Variants in ZMYND8 observed in about 807,000 individuals in gnomAD.
ZMYND8 encodes MYND-type zinc finger-containing chromatin reader ZMYND8.
In ZMYND8, 37 loss-of-function variants were observed where a neutral mutation model predicts 140.8. That is an observed-to-expected ratio of 0.26 (90% CI 0.20 to 0.35). ZMYND8 has a LOEUF of 0.35. Ranked by LOEUF, ZMYND8 falls within the 10% of genes least tolerant of loss-of-function variation. The pLI is 1.00. For missense variants in ZMYND8, 1,068 were observed against 1,570.0 expected, an observed-to-expected ratio of 0.68 and a Z score of 5.40; for synonymous variants, 592 against 597.1, an observed-to-expected ratio of 0.99 and a Z score of 0.12.
At chr20:47,314,201 G>C (rs186171181) in intron 2 of ZMYND8, among the ~76,000 whole-genome samples, 117 of 151,696 alleles carry the variant, frequency 7.7e-4, no homozygotes, top group African/African-American at 2.6e-3. Flanking sequence ...ATGACGTTAC[G>C]AAAATAAAGA....
chr20:47,239,906 A>T (rs193182379), intron 14 of ZMYND8, among the ~76,000 whole-genome samples: 265 of 152,290 alleles, frequency 1.7e-3, no homozygotes, highest in Middle Eastern at 0.014. Context: ...AAATGAGTTT[A>T]TACTTGCAGA....
intron 7 of ZMYND8, among the ~76,000 whole-genome samples, chr20:47,289,631 CAAAAAA>C (rs553430443): frequency 6.8e-6 from 1 of 147,816 alleles, no homozygotes; most frequent in Non-Finnish European, 1.5e-5. Context: ...AAATCAGCAA[CAAAAAA>C]AAAGGAACCA....
intron 12 of ZMYND8, among the ~76,000 whole-genome samples, chr20:47,257,260 C>A (rs2074805303): frequency 6.6e-6 from 1 of 152,014 alleles, no homozygotes; most frequent in Non-Finnish European, 1.5e-5. Context: ...TAGTCATATA[C>A]CATACACACA....
intron 21 of ZMYND8, among the ~76,000 whole-genome samples, chr20:47,217,153 G>T (rs1315065183): frequency 6.6e-6 from 1 of 151,898 alleles, no homozygotes; most frequent in Non-Finnish European, 1.5e-5. Flanking sequence ...GAAGGAGGGA[G>T]GTATAGAAAC....
Position 47,238,912 on chromosome 20 carries a change from G to A in ZMYND8, c.2511C>T (p.Val837=), listed in dbSNP as rs779642631. Residue 837 remains valine, a synonymous_variant, in exon 15 of 23, where the codon GTC becomes GTT. Coordinates refer to ENST00000471951, the MANE Select transcript of ZMYND8 (RefSeq NM_001281775.3). ...GAAACTTACTTGATGAGTTCCACAC[G>A]ACCCGCTGCACGGCCGGGGCAGTCT... The part of the protein sequence containing the change: ...PKETAPAVQR[V]VWNSSSKFQT... 5.8e-5 allele frequency: 93 copies of A among 1,613,968 alleles called. No homozygotes were observed. Among genetic ancestry groups the A allele is most frequent in the Non-Finnish European group, 7.4e-5 (87 of 1,180,032 alleles).
intron 11 of ZMYND8, among the ~76,000 whole-genome samples, chr20:47,272,878 G>C (rs945108517): frequency 1.3e-5 from 2 of 152,150 alleles, no homozygotes; most frequent in African/African-American, 4.8e-5. Context: ...ACACGATTTT[G>C]GGTGAACTAC....
chr20:47,353,958 A>C (rs2148648023), intron 1 of ZMYND8: 1 of 152,250 alleles, frequency 6.6e-6, no homozygotes, highest in South Asian at 2.1e-4. Flanking sequence ...TCAATCTTTA[A>C]CCTTTCCTCC....
chr20:47,274,966 A>T (rs987915295), intron 11 of ZMYND8, among the ~76,000 whole-genome samples: 3 of 152,160 alleles, frequency 2.0e-5, no homozygotes, highest in Non-Finnish European at 4.4e-5. Flanking sequence ...TTGCTCCTTA[A>T]AGAATTCCTG....
At position 47,302,431 on chromosome 20, in the gene ZMYND8, T is replaced by C. The variant is rs1191049031; in HGVS notation, c.235-3484A>G. ...AAGATTACACCACTGCACTCCAGCC[T>C]GAGCGAAAGAGCGAGACATCATCTC... On this transcript the variant is annotated intron_variant, in intron 3 of 22. Transcript: ENST00000471951. Among the ~76,000 whole-genome samples, 95 of 152,326 alleles carry C rather than the reference T, an allele frequency of 6.2e-4. 1 individual carries two copies. The highest frequency in any genetic ancestry group is 1.0e-4 in the Non-Finnish European group (7 of 68,036).
intron 1 of ZMYND8, among the ~76,000 whole-genome samples, chr20:47,351,451 G>A (rs895654541): frequency 6.6e-6 from 1 of 152,158 alleles, no homozygotes; most frequent in Non-Finnish European, 1.5e-5. Context: ...TTCTACAGAT[G>A]AGGATCATCG....
At chr20:47,236,663 T>C (rs2039279173) in intron 15 of ZMYND8, 147 bp from the exon 16 acceptor site, 1 of 816,496 alleles carries the variant, frequency 1.2e-6, no homozygotes, top group Non-Finnish European at 1.8e-6. Flanking sequence ...CCAAACTCTA[T>C]CCAGGTTTCT....
chr20:47,280,831 C>T (rs987348078), intron 10 of ZMYND8, among the ~76,000 whole-genome samples: 4 of 152,074 alleles, frequency 2.6e-5, no homozygotes, highest in African/African-American at 9.7e-5. Flanking sequence ...CTCTCCTCCC[C>T]GACCCTGTTT....
chr20:47,354,539 G>C (rs1341604287), intron 1 of ZMYND8: 1 of 152,194 alleles, frequency 6.6e-6, no homozygotes, highest in African/African-American at 2.4e-5. Context: ...ACTCTAAGAA[G>C]CTAAGCTGGC....
intron 4 of ZMYND8, among the ~76,000 whole-genome samples, chr20:47,296,214 C>T (rs1384218333): frequency 6.6e-6 from 1 of 152,168 alleles, no homozygotes; most frequent in Non-Finnish European, 1.5e-5. Context: ...TTATCCATGG[C>T]AAACACTTGG....
At chr20:47,266,350 G>A (rs1199464291) in intron 11 of ZMYND8, among the ~76,000 whole-genome samples, 1 of 152,162 alleles carries the variant, frequency 6.6e-6, no homozygotes, top group African/African-American at 2.4e-5. Context: ...TGCAATCTCA[G>A]CTCACAGCAA....
chr20:47,295,722 A>G (rs1438043919), intron 4 of ZMYND8, among the ~76,000 whole-genome samples: 2 of 152,246 alleles, frequency 1.3e-5, no homozygotes, highest in Non-Finnish European at 2.9e-5. Context: ...GGTAATAGAT[A>G]TCAGCTCCTA....
chr20:47,229,324 T>A (rs1288091793), intron 17 of ZMYND8, among the ~76,000 whole-genome samples: 1 of 152,030 alleles, frequency 6.6e-6, no homozygotes, highest in African/African-American at 2.4e-5. Flanking sequence ...CACTTTCTTG[T>A]CTACACAATC....
chr20:47,255,677 A>ATGTG (rs376160663), intron 12 of ZMYND8, among the ~76,000 whole-genome samples: 2 of 100,880 alleles, frequency 2.0e-5, no homozygotes, highest in African/African-American at 4.4e-5. Flanking sequence ...TATATGGTGT[A>ATGTG]TGTGTGTGTG....
chr20:47,353,956 T>C (rs1569268248), intron 1 of ZMYND8: 1 of 152,142 alleles, frequency 6.6e-6, no homozygotes, highest in Non-Finnish European at 1.5e-5. Flanking sequence ...TGTCAATCTT[T>C]AACCTTTCCT....
Sources: allele counts gnomAD v4.1 joint callset (sites outside exome capture counted in the v4.1 genomes callset), GRCh38; gene constraint gnomAD v4.1.1; transcripts MANE v1.5; gene names NCBI Gene and HGNC (gene_info 2026-07-23, HGNC 2026-07-21).